The following CXCL13 variants were observed in gnomAD, a reference collection of about 807,000 sequenced individuals.
CXCL13 encodes the protein C-X-C motif chemokine 13.
In CXCL13, 7 loss-of-function variants were observed where a neutral mutation model predicts 12.2. That is an observed-to-expected ratio of 0.57 (90% CI 0.33 to 1.07). The LOEUF (loss-of-function observed/expected upper bound fraction) is 1.07, where lower values mean the gene tolerates loss of function less well. Ranked by LOEUF, CXCL13 falls within the 50% of genes least tolerant of loss-of-function variation. The pLI, the probability that CXCL13 is intolerant of heterozygous loss-of-function variation, is 0.04. For missense variants in CXCL13, 113 were observed against 127.4 expected, an observed-to-expected ratio of 0.89 and a Z score of 0.55; for synonymous variants, 47 against 42.4, an observed-to-expected ratio of 1.11 and a Z score of -0.42.
intron 1 of CXCL13, among the ~76,000 whole-genome samples, chr4:77,546,650 C>T (rs1017487995): frequency 6.6e-6 from 1 of 152,002 alleles, no homozygotes; most frequent in African/African-American, 2.4e-5. Flanking sequence ...CTTTATTAGT[C>T]TTGCTAGCGG....
At chr4:77,603,430 G>C (rs1012382238), upstream of CXCL13, among the ~76,000 whole-genome samples, 1 of 152,212 alleles carries the variant, frequency 6.6e-6, no homozygotes, top group Non-Finnish European at 1.5e-5. Flanking sequence ...AGCCATAATT[G>C]AGGTAATACA....
chr4:77,568,959 T>C (rs989669131), intron 1 of CXCL13, among the ~76,000 whole-genome samples: 1 of 152,226 alleles, frequency 6.6e-6, no homozygotes, highest in African/African-American at 2.4e-5. Context: ...AGCTGGGTTC[T>C]TGAAAGACTT....
chr4:77,527,054 T>G (rs1050522829), intron 1 of CXCL13, among the ~76,000 whole-genome samples: 21 of 152,150 alleles, frequency 1.4e-4, no homozygotes, highest in African/African-American at 4.6e-4. Context: ...AGTGGGAAAA[T>G]AGACAATGCT....
chr4:77,544,026 C>CT lies in CXCL13; in HGVS notation c.-43+32238_-43+32239insT, dbSNP rs200667973. ...GGTTTTCTGTCCTTGCGATATTTTG[C>CT]GAGAATGATGGTTTCCAGCTTCATC... On this transcript the variant is annotated intron_variant, in intron 1 of 4. Transcript: ENST00000286758. 4.3e-3 allele frequency among the ~76,000 whole-genome samples: 661 copies of CT among 152,068 alleles called. 13 individuals carry two copies. Among genetic ancestry groups the CT allele is most frequent in the East Asian group, 0.026 (136 of 5,168 alleles).
intron 1 of CXCL13, among the ~76,000 whole-genome samples, chr4:77,552,307 T>A (rs1725551932): frequency 6.6e-6 from 1 of 152,222 alleles, no homozygotes; most frequent in African/African-American, 2.4e-5. Flanking sequence ...TTTCCCCGAC[T>A]TCCTAGGGAA....
intron 1 of CXCL13, among the ~76,000 whole-genome samples, chr4:77,590,848 T>G (rs1726588096): frequency 6.6e-6 from 1 of 152,224 alleles, no homozygotes; most frequent in Non-Finnish European, 1.5e-5. Context: ...ATGCAAAGTT[T>G]ATTAATAAGA....
At chr4:77,595,285 C>T (rs1419536221) in intron 1 of CXCL13, among the ~76,000 whole-genome samples, 1 of 152,098 alleles carries the variant, frequency 6.6e-6, no homozygotes, top group Non-Finnish European at 1.5e-5. Context: ...CTCTGAGACA[C>T]CTTGAGTAAA....
intron 1 of CXCL13, among the ~76,000 whole-genome samples, chr4:77,530,076 G>C (rs1046404865): frequency 7.9e-5 from 12 of 152,086 alleles, no homozygotes; most frequent in African/African-American, 1.7e-4. Context: ...GCTGGATTAC[G>C]TTTATTGATT....
intron 2 of CXCL13, among the ~76,000 whole-genome samples, chr4:77,608,381 G>A (rs941940780): frequency 2.0e-5 from 3 of 151,684 alleles, no homozygotes; most frequent in Non-Finnish European, 4.4e-5. Context: ...CGGAGGTTGC[G>A]GTGAGCCGAG....
At chr4:77,568,134 C>T (rs1024619813) in intron 1 of CXCL13, among the ~76,000 whole-genome samples, 1 of 152,170 alleles carries the variant, frequency 6.6e-6, no homozygotes, top group Non-Finnish European at 1.5e-5. Flanking sequence ...GGAGACCTCC[C>T]CTTGGACTCC....
At chr4:77,519,989 T>C (rs1163473014) in intron 1 of CXCL13, among the ~76,000 whole-genome samples, 2 of 152,252 alleles carry the variant, frequency 1.3e-5, no homozygotes, top group African/African-American at 4.8e-5. Flanking sequence ...CTCCATTTCT[T>C]GTTTTTGTCA....
At chr4:77,569,890 G>A (rs1234539647) in intron 1 of CXCL13, among the ~76,000 whole-genome samples, 2 of 152,230 alleles carry the variant, frequency 1.3e-5, no homozygotes, top group Non-Finnish European at 2.9e-5. Flanking sequence ...CAGGGCTACA[G>A]TAACCAAAAC....
chr4:77,538,741 T>C (rs556881630), intron 1 of CXCL13, among the ~76,000 whole-genome samples: 1 of 152,246 alleles, frequency 6.6e-6, no homozygotes, highest in South Asian at 2.1e-4. Flanking sequence ...GAGGGGATAA[T>C]CAGGTCTCAC....
chr4:77,572,085 C>T (rs1048332654), intron 1 of CXCL13, among the ~76,000 whole-genome samples: 4 of 151,826 alleles, frequency 2.6e-5, no homozygotes, highest in East Asian at 1.9e-4. Context: ...TAACACTCAC[C>T]GCGAGGGTCC....
At chr4:77,599,784 G>A (rs1486334760) in intron 1 of CXCL13, among the ~76,000 whole-genome samples, 1 of 152,216 alleles carries the variant, frequency 6.6e-6, no homozygotes, top group Non-Finnish European at 1.5e-5. Context: ...TTGAGAAGAT[G>A]GTTCTGGCTG....
intron 1 of CXCL13, among the ~76,000 whole-genome samples, chr4:77,567,860 T>A (rs759241013): frequency 2.6e-5 from 4 of 152,240 alleles, no homozygotes; most frequent in Non-Finnish European, 5.9e-5. Flanking sequence ...AATCCACCCC[T>A]TGTTTAGCAT....
chr4:77,596,030 G>T (rs1323979255), intron 1 of CXCL13, among the ~76,000 whole-genome samples: 1 of 152,180 alleles, frequency 6.6e-6, no homozygotes, highest in Non-Finnish European at 1.5e-5. Context: ...CACTCCCTCT[G>T]TTGACCTAAT....
intron 1 of CXCL13, among the ~76,000 whole-genome samples, chr4:77,566,168 T>A (rs1725920427): frequency 6.6e-6 from 1 of 152,218 alleles, no homozygotes; most frequent in South Asian, 2.1e-4. Flanking sequence ...CAGCAGGAAG[T>A]GTTGGTGAAC....
chr4:77,533,423 G>A (rs1724980196), intron 1 of CXCL13, among the ~76,000 whole-genome samples: 2 of 152,202 alleles, frequency 1.3e-5, no homozygotes, highest in Non-Finnish European at 2.9e-5. Context: ...ACCCGGCCAT[G>A]TGAGGTGTCA....
Sources: allele counts gnomAD v4.1 joint callset (sites outside exome capture counted in the v4.1 genomes callset), GRCh38; gene constraint gnomAD v4.1.1; transcripts MANE v1.5; gene names NCBI Gene and HGNC (gene_info 2026-07-23, HGNC 2026-07-21).